MYH7: variants seen among roughly 807,000 people sequenced by gnomAD.
MYH7 encodes the protein myosin-7.
A neutral mutation model predicts 225.4 loss-of-function variants in MYH7; 129 were observed. The observed-to-expected ratio is 0.57, with a 90% CI of 0.50 to 0.66. The LOEUF is 0.66. MYH7 is among the 30% of genes least tolerant of loss of function. The pLI is 0.00. For synonymous variants in MYH7, 971 were observed against 1,007.6 expected (o/e 0.96, Z 0.69); for missense variants, 1,649 against 2,517.0 (o/e 0.66, Z 7.38).
At chr14:23,417,076 C>G (rs1892245669) in intron 32 of MYH7, 77 bp downstream of exon 32, 2 of 1,613,936 alleles carry the variant, frequency 1.2e-6, no homozygotes, top group African/African-American at 1.3e-5. Context: ...CCAGACGCCT[C>G]TTGGAGCCCT....
At position 23,432,962 on chromosome 14, in the gene MYH7, G is replaced by A. The variant is rs575427543; in HGVS notation, c.345+122C>T. On this transcript the variant is annotated intron_variant, in intron 4 of 39. Coordinates refer to ENST00000355349, the MANE Select transcript of MYH7 (RefSeq NM_000257.4). The stretch of plus-strand genomic sequence containing the variant: ...AGAGTGTTGGAATTGAACCAAGGAT[G>A]TTGGGACGAGGTTAGAGTGTAACCC... 38 of 1,525,728 alleles carry A rather than the reference G, an allele frequency of 2.5e-5. No individual in the cohort carries two copies. In the East Asian group the frequency reaches 8.4e-4, roughly 34 times the overall value. The allele number at this position is 1,525,728 out of a possible 1,614,324, so 94.5% of individuals were successfully genotyped here.
chr14:23,420,976 C>A lies in MYH7; in HGVS notation c.3318G>T (p.Lys1106Asn), dbSNP rs575577624. ...ACCTCACCTGAAGCTCCTTGAGCTTCTTCTGCAGCTGGCTGCCGAGGGCCT... is the reference window on the plus strand; with the variant it reads ...ACCTCACCTGAAGCTCCTTGAGCTTATTCTGCAGCTGGCTGCCGAGGGCCT... ...DEQALGSQLQ[K>N]KLKELQARIE... Residue 1106 changes from lysine to asparagine, a missense_variant, in exon 26 of 40, where the codon AAG becomes AAT. Lys to Asn is a moderately conservative substitution (Grantham distance 94). Around this residue, in one of 12 missense-constraint regions of MYH7, gnomAD observed 106 missense variants for 198.8 expected, o/e 0.53. Transcript: ENST00000355349. 1 of 1,612,354 alleles carries A rather than the reference C, an allele frequency of 6.2e-7. No individual in the cohort carries two copies. Among genetic ancestry groups the A allele is most frequent in the South Asian group, 1.1e-5 (1 of 91,000 alleles).
rs748551470 is a variant in MYH7 at position 23,417,641 on chromosome 14, C to T, written c.4215G>A (p.Glu1405=). 15 of 1,612,968 alleles carry T rather than the reference C, an allele frequency of 9.3e-6. No homozygotes were observed. In the African/African-American group the frequency reaches 1.9e-4, roughly 20 times the overall value. The change falls in exon 31 of 40, where the codon GAG becomes GAA. Residue 1405 remains glutamate (E), a synonymous_variant. Coordinates refer to ENST00000355349, the MANE Select transcript of MYH7 (RefSeq NM_000257.4). Reference sequence around the variant, plus strand: ...GCGAGGAGCACTTGGCATTAACAGCCTCCACGGCCTCCTCAGCTTCCTGCA... The same window carrying T: ...GCGAGGAGCACTTGGCATTAACAGCTTCCACGGCCTCCTCAGCTTCCTGCA... The part of the protein sequence containing the change: ...QRLQEAEEAV[E]AVNAKCSSLE...
At position 23,416,182 on chromosome 14, in the gene MYH7, C is replaced by T. The variant is rs1257980330; in HGVS notation, c.4775G>A (p.Arg1592Gln). 24 of 1,614,046 alleles carry T rather than the reference C, an allele frequency of 1.5e-5. No individual in the cohort carries two copies. Among genetic ancestry groups the T allele is most frequent in the Non-Finnish European group, 1.9e-5 (23 of 1,180,048 alleles). Residue 1592 changes from arginine to glutamine, a missense_variant, in exon 34 of 40, where the codon CGG (arginine) becomes CAG (glutamine). Physicochemically the swap from Arg to Gln is conservative, Grantham distance 43 (BLOSUM62 1). Around this residue, in one of 12 missense-constraint regions of MYH7, gnomAD observed 687 missense variants for 913.8 expected, o/e 0.75. Coordinates refer to ENST00000355349, the MANE Select transcript of MYH7 (RefSeq NM_000257.4). ...EMEQAKRNHL[R>Q]VVDSLQTSLD... ...GGAGGTCTGCAGCGAGTCCACCACC[C>T]GCAGGTGGTTGCGCTTGGCCTGTTC...
intron 25 of MYH7, among the ~76,000 whole-genome samples, chr14:23,421,411 C>T (rs184443084): frequency 6.6e-6 from 1 of 152,166 alleles, no homozygotes; most frequent in African/African-American, 2.4e-5. Context: ...ACTCAGCTAA[C>T]CTTTCTGAAA....
chr14:23,413,911 A>T lies in MYH7; in HGVS notation c.5656-18T>A, dbSNP rs770065133. ...TGCTCCTCCTGCGGGAGGTGGGAGCATGAGGTGAGAGGGGGCCTGGGTTCT... is the reference window on the plus strand; with the variant it reads ...TGCTCCTCCTGCGGGAGGTGGGAGCTTGAGGTGAGAGGGGGCCTGGGTTCT... On this transcript the variant is annotated intron_variant, in intron 38 of 39. Transcript: ENST00000355349. 10 of 1,614,106 alleles carry T rather than the reference A, an allele frequency of 6.2e-6. No individual in the cohort carries two copies. The highest frequency in any genetic ancestry group is 7.6e-6 in the Non-Finnish European group (9 of 1,180,058).
chr14:23,414,956 T>C, intron 37 of MYH7, 39 bp downstream of exon 37: 3 of 1,602,222 alleles, frequency 1.9e-6, no homozygotes, highest in Non-Finnish European at 1.7e-6. Flanking sequence ...ACTGTGGCTA[T>C]GGTGCCAGGG....
rs779973529 is a variant in MYH7 at position 23,423,611 on chromosome 14, G to T, written c.3035C>A (p.Ala1012Asp). Reference protein sequence around the residue: ...AHQQALDDLQAEEDKVNTLTK... With the variant: ...AHQQALDDLQDEEDKVNTLTK... Reference sequence around the variant, plus strand: ...CAGGGTGTTGACCTTGTCCTCCTCGGCCTGAAGGTCATCCAGAGCCTGTTG... The same window carrying T: ...CAGGGTGTTGACCTTGTCCTCCTCGTCCTGAAGGTCATCCAGAGCCTGTTG... The change falls in exon 24 of 40, where the codon GCC becomes GAC. Residue 1012 changes from alanine (A) to aspartate (D), a missense_variant. By Grantham distance (126) the Ala-to-Asp change is moderately radical. Transcript: ENST00000355349. The T allele has an allele frequency of 8.7e-6, 14 of 1,614,060 alleles. No individual in the cohort carries two copies. The Middle Eastern group carries it at 4.9e-4, about 57-fold the overall frequency.
rs1416852795 is a variant in MYH7 at position 23,433,723 on chromosome 14, A to G, written c.10T>C (p.Ser4Pro). The change falls in exon 3 of 40, where the codon TCG becomes CCG. Residue 4 changes from serine (S) to proline (P), a missense_variant. By Grantham distance (74) the Ser-to-Pro change is moderately conservative. Around this residue, in one of 12 missense-constraint regions of MYH7, gnomAD observed 91 missense variants for 96.5 expected, o/e 0.94. Transcript: ENST00000355349. The surrounding 1 kb of genome is among the most constrained non-coding windows in gnomAD (Gnocchi z 4.1). Reference protein sequence around the residue: MGDSEMAVFGAAAP... With the variant: MGDPEMAVFGAAAP... Reference sequence around the variant, plus strand: ...GCAGCCCCAAAGACTGCCATCTCCGAATCTCCCATGGCTGTGCCTGGAGTG... The same window carrying G: ...GCAGCCCCAAAGACTGCCATCTCCGGATCTCCCATGGCTGTGCCTGGAGTG... 6.2e-7 allele frequency: 1 copy of G among 1,613,864 alleles called. No homozygotes were observed. The highest frequency in any genetic ancestry group is 1.3e-5 in the African/African-American group (1 of 74,944).
At chr14:23,432,340 TG>T in intron 6 of MYH7, 138 bp downstream of exon 6, 2 of 1,034,814 alleles carry the variant, frequency 1.9e-6, no homozygotes, top group Non-Finnish European at 3.0e-6. Context: ...GTCAGGGTAA[TG>T]GTCAGAGAAG....
chr14:23,425,492 A>G lies in MYH7; in HGVS notation c.2287-74T>C. ...AAGAGATGGTGGGGATTACCTTAGG[A>G]AGGGTAACAGCCTAGAAAAGGATTG... On this transcript the variant is annotated intron_variant, in intron 20 of 39. Transcript: ENST00000355349. This position sits in a 1 kb window ranked among gnomAD's most constrained non-coding sequence, Gnocchi z 4.6. The G allele has an allele frequency of 1.9e-6, 3 of 1,609,880 alleles. No homozygotes were observed. The highest frequency in any genetic ancestry group is 2.5e-6 in the Non-Finnish European group (3 of 1,178,278).
chr14:23,420,952 C>G lies in MYH7; in HGVS notation c.3336+6G>C, dbSNP rs751198296. Reference sequence around the variant, plus strand: ...TCAGCATCCCGCGTGGGTGTCCAGACCTCACCTGAAGCTCCTTGAGCTTCT... The same window carrying G: ...TCAGCATCCCGCGTGGGTGTCCAGAGCTCACCTGAAGCTCCTTGAGCTTCT... On this transcript the variant is annotated splice_donor_region_variant and intron_variant, in intron 26 of 39. Transcript: ENST00000355349. The G allele has an allele frequency of 6.2e-7, 1 of 1,611,864 alleles. No individual in the cohort carries two copies. Among genetic ancestry groups the G allele is most frequent in the Non-Finnish European group, 8.5e-7 (1 of 1,179,674 alleles).
chr14:23,433,702 C>T lies in MYH7; in HGVS notation c.31G>A (p.Ala11Thr). Reference sequence around the variant, plus strand: ...GACTTGCGCAGGTAGGGGGCGGCAGCCCCAAAGACTGCCATCTCCGAATCT... The same window carrying T: ...GACTTGCGCAGGTAGGGGGCGGCAGTCCCAAAGACTGCCATCTCCGAATCT... MGDSEMAVFG[A>T]AAPYLRKSEK... Residue 11 changes from alanine (A) to threonine (T), a missense_variant, in exon 3 of 40, where the codon GCT becomes ACT. Physicochemically the swap from Ala to Thr is moderately conservative, Grantham distance 58 (BLOSUM62 0). Around this residue, in one of 12 missense-constraint regions of MYH7, gnomAD observed 91 missense variants for 96.5 expected, o/e 0.94. Transcript: ENST00000355349. This position sits in a 1 kb window ranked among gnomAD's most constrained non-coding sequence, Gnocchi z 4.1. 2.5e-6 allele frequency: 4 copies of T among 1,614,226 alleles called. No homozygotes were observed. Among genetic ancestry groups the T allele is most frequent in the Non-Finnish European group, 3.4e-6 (4 of 1,180,044 alleles).
At position 23,427,760 on chromosome 14, in the gene MYH7, C is replaced by T. The variant is rs1892752278; in HGVS notation, c.1713G>A (p.Gly571=). 6.2e-7 allele frequency: 1 copy of T among 1,614,184 alleles called. No homozygotes were observed. The highest frequency in any genetic ancestry group is 1.7e-5 in the Admixed American group (1 of 60,018). Residue 571 remains glycine (G), a synonymous_variant, in exon 16 of 40, where the codon GGG becomes GGA. Transcript: ENST00000355349. ...TCAGGGAGAAGTGGGCTTCAGGCTT[C>T]CCCTTGATATTGCGTGGCTTCTGGA... ...ANFQKPRNIK[G]KPEAHFSLIH...
rs1595089758 is a variant in MYH7, at chr14:23,431,851, C to T, written c.549G>A (p.Gly183=). ...TGACCCTCTTGGTGTTGACTGTCTTCCCTGCTCCGGATTCTCCGCTGTGAA... is the reference window on the plus strand; with the variant it reads ...TGACCCTCTTGGTGTTGACTGTCTTTCCTGCTCCGGATTCTCCGCTGTGAA... The part of the protein sequence containing the change: ...SILITGESGA[G]KTVNTKRVIQ... Residue 183 remains glycine, a synonymous_variant, in exon 7 of 40, where the codon GGG becomes GGA. Transcript: ENST00000355349. 3 of 1,614,264 alleles carry T rather than the reference C, an allele frequency of 1.9e-6. No individual in the cohort carries two copies. The East Asian group carries it at 6.7e-5, about 36-fold the overall frequency.
chr14:23,419,470 G>A lies in MYH7; in HGVS notation c.3853+13C>T. 1 of 1,613,830 alleles carries A rather than the reference G, an allele frequency of 6.2e-7. No individual in the cohort carries two copies. Among genetic ancestry groups the A allele is most frequent in the Admixed American group, 1.7e-5 (1 of 60,018 alleles). The stretch of plus-strand genomic sequence containing the variant: ...CTGTGGTGGGAACCATGGAGCCCCT[G>A]CTCTAGGCTCACCATTCTCGGTTTG... On this transcript the variant is annotated intron_variant, in intron 28 of 39. Transcript: ENST00000355349.
At chr14:23,421,762 C>T (rs1892481778) in intron 25 of MYH7, 2 of 985,302 alleles carry the variant, frequency 2.0e-6, no homozygotes, top group Non-Finnish European at 2.4e-6. Flanking sequence ...GCCCTGATCC[C>T]CTGACTTCTT....
rs534379369 is a variant in MYH7, at chr14:23,418,281, C to T, written c.4098G>A (p.Ser1366=). 22 of 1,613,686 alleles carry T rather than the reference C, an allele frequency of 1.4e-5. No individual in the cohort carries two copies. Among genetic ancestry groups the T allele is most frequent in the African/African-American group, 2.7e-5 (2 of 75,052 alleles). ...ELQRVLSKAN[S]EVAQWRTKYE... ...ACTTGGTCCTCCACTGGGCCACCTC[C>T]GAGTTGGCCTTGGAAAGGACGCGCT... Residue 1366 remains serine (S), a synonymous_variant, in exon 30 of 40, where the codon TCG becomes TCA. Coordinates refer to ENST00000355349, the MANE Select transcript of MYH7 (RefSeq NM_000257.4).
chr14:23,417,508 C>G lies in MYH7; in HGVS notation c.4348G>C (p.Asp1450His). ...GGCCCCCACCCAGGGCCCACCTTGT[C>G]GAAGTTCCTCTGCTTCTTGTCCAGG... ...AALDKKQRNF[D>H]KILAEWKQKY... The change falls in exon 31 of 40, where the codon GAC becomes CAC. Residue 1450 changes from aspartate to histidine, a missense_variant. Asp to His is a moderately conservative substitution (Grantham distance 81). Transcript: ENST00000355349. 2 of 1,612,318 alleles carry G rather than the reference C, an allele frequency of 1.2e-6. No individual in the cohort carries two copies. The highest frequency in any genetic ancestry group is 1.7e-6 in the Non-Finnish European group (2 of 1,180,036).
Sources: allele counts gnomAD v4.1 joint callset (sites outside exome capture counted in the v4.1 genomes callset), GRCh38; gene constraint gnomAD v4.1.1; regional missense constraint gnomAD v4.1.1; non-coding constraint Gnocchi (gnomAD v3.1); transcripts MANE v1.5; gene names NCBI Gene and HGNC (gene_info 2026-07-23, HGNC 2026-07-21).